The following RASGRP3 variants were observed in gnomAD, a reference collection of about 807,000 sequenced individuals.
RASGRP3 encodes ras guanyl-releasing protein 3.
A neutral mutation model predicts 82.7 loss-of-function variants in RASGRP3; 54 were observed. The ratio of observed to expected loss-of-function variants is 0.65; its 90% CI spans 0.52 to 0.82. RASGRP3 has a LOEUF of 0.82. RASGRP3 is among the 40% of genes least tolerant of loss of function. RASGRP3 has a pLI of 0.00. For synonymous variants in RASGRP3, 309 were observed against 300.5 expected (o/e 1.03, Z -0.29); for missense variants, 861 against 828.9 (o/e 1.04, Z -0.48).
At chr2:33,546,271 A>G (rs1197597652) in intron 13 of RASGRP3, among the ~76,000 whole-genome samples, 1 of 151,932 alleles carries the variant, frequency 6.6e-6, no homozygotes, top group Non-Finnish European at 1.5e-5. Context: ...AAAATACAAA[A>G]AATTAGCCAG....
At chr2:33,456,300 C>G (rs1360670682) in intron 2 of RASGRP3, among the ~76,000 whole-genome samples, 1 of 150,216 alleles carries the variant, frequency 6.7e-6, no homozygotes, top group Non-Finnish European at 1.5e-5. Context: ...GAGTTTAGAC[C>G]ATCTACACTG....
chr2:33,438,100 AT>A (rs916002783), intron 1 of RASGRP3, among the ~76,000 whole-genome samples: 1 of 152,250 alleles, frequency 6.6e-6, no homozygotes, highest in Non-Finnish European at 1.5e-5. Context: ...CAACGTTCAC[AT>A]TTGACACATT....
intron 10 of RASGRP3, chr2:33,533,244 C>A (rs1233512082): frequency 6.6e-6 from 1 of 152,094 alleles, no homozygotes; most frequent in South Asian, 2.1e-4. Flanking sequence ...CAGAGTTTAT[C>A]CATGTTCTCC....
At chr2:33,504,530 A>C (rs1670174603) in intron 1 of RASGRP3, among the ~76,000 whole-genome samples, 1 of 152,190 alleles carries the variant, frequency 6.6e-6, no homozygotes, top group African/African-American at 2.4e-5. Context: ...GAAAACCTGG[A>C]GGTCCATTTA....
chr2:33,562,623 C>G (rs1676803817), intron 17 of RASGRP3, 106 bp from the exon 18 acceptor site: 18 of 1,259,544 alleles, frequency 1.4e-5, no homozygotes, highest in Non-Finnish European at 1.9e-5. Context: ...AGGTACTGAT[C>G]ATTTCAGATG....
At chr2:33,506,407 C>T (rs1417486739) in intron 1 of RASGRP3, among the ~76,000 whole-genome samples, 1 of 152,184 alleles carries the variant, frequency 6.6e-6, no homozygotes, top group Non-Finnish European at 1.5e-5. Flanking sequence ...CTTTAGGCCT[C>T]AATTTCCTTA....
intron 14 of RASGRP3, among the ~76,000 whole-genome samples, chr2:33,553,735 TTTTA>T (rs1272359481): frequency 6.6e-6 from 1 of 152,150 alleles, no homozygotes; most frequent in East Asian, 1.9e-4. Context: ...GACATTTGCA[TTTTA>T]TTTATTTATT....
intron 2 of RASGRP3, among the ~76,000 whole-genome samples, chr2:33,470,217 A>G (rs1666973974): frequency 6.6e-6 from 1 of 152,162 alleles, no homozygotes; most frequent in Admixed American, 6.5e-5. Flanking sequence ...ATATATTTAC[A>G]ATGTTAAGTT....
At position 33,555,576 on chromosome 2, in the gene RASGRP3, A is replaced by G. The variant is rs765552868; in HGVS notation, c.1579+9A>G. ...AGGATACAAATGCAAAGGTAAATCAATGTTATTTTGTTACAATTTTTAAAA... is the reference window on the plus strand; with the variant it reads ...AGGATACAAATGCAAAGGTAAATCAGTGTTATTTTGTTACAATTTTTAAAA... On this transcript the variant is annotated intron_variant, in intron 15 of 17. Transcript: ENST00000403687. The G allele has an allele frequency of 3.2e-6, 5 of 1,579,902 alleles. No homozygotes were observed. The East Asian group carries it at 6.7e-5, about 21-fold the overall frequency.
chr2:33,549,623 G>A lies in RASGRP3; in HGVS notation c.1414G>A (p.Asp472Asn), dbSNP rs1458786884. ...DKDQDGLISK[D>N]EMMAYFLRAK... Reference sequence around the variant, plus strand: ...TAACAGGGATGGCCTAATTAGTAAAGATGAAATGATGGCTTACTTCCTGAG... The same window carrying A: ...TAACAGGGATGGCCTAATTAGTAAAAATGAAATGATGGCTTACTTCCTGAG... Residue 472 changes from aspartate (D) to asparagine (N), a missense_variant, in exon 14 of 18, where the codon GAT becomes AAT. Transcript: ENST00000403687. The A allele has an allele frequency of 6.2e-7, 1 of 1,612,994 alleles. No homozygotes were observed. The highest frequency in any genetic ancestry group is 2.2e-5 in the East Asian group (1 of 44,880).
chr2:33,525,726 A>AAC lies in RASGRP3; in HGVS notation c.807+1179_807+1180dup, dbSNP rs1553354885. ...AAAAAAAAAAAAAAAAAAAAAAAAA[A>AAC]ACTAGCCAGGTGTGGCAGTGTGTGC... On this transcript the variant is annotated intron_variant, in intron 9 of 17. Transcript: ENST00000403687. 4.1e-4 allele frequency among the ~76,000 whole-genome samples: 55 copies of AAC among 134,676 alleles called. 4 individuals are homozygous for AAC. In the East Asian group the frequency reaches 4.9e-3, roughly 12 times the overall value. 88.4% of individuals were successfully genotyped at this position (134,676 alleles called of 152,430 possible). A position where few individuals can be genotyped will look rare whatever the true frequency, so the allele number is the denominator to read the frequency against.
At chr2:33,483,469 G>A (rs958378190) in intron 1 of RASGRP3, among the ~76,000 whole-genome samples, 11 of 149,836 alleles carry the variant, frequency 7.3e-5, no homozygotes, top group African/African-American at 2.5e-4. Flanking sequence ...TAATCCCAGA[G>A]GCATGTTTTA....
chr2:33,503,574 G>T (rs928244667), intron 1 of RASGRP3, among the ~76,000 whole-genome samples: 1 of 148,488 alleles, frequency 6.7e-6, no homozygotes, highest in Non-Finnish European at 1.5e-5. Flanking sequence ...TGAGAGCACA[G>T]AAATAATTTT....
chr2:33,524,515 G>C lies in RASGRP3; in HGVS notation c.774G>C (p.Glu258Asp). The change falls in exon 9 of 18, where the codon GAG (glutamate) becomes GAC (aspartate). Residue 258 changes from glutamate (E) to aspartate (D), a missense_variant. By Grantham distance (45) the Glu-to-Asp change is conservative (BLOSUM62 2). Transcript: ENST00000403687. ...LSHSSISRLK[E>D]THSHLSSEVT... ...ATAGTTCCATTTCACGCCTCAAAGAGACCCATTCTCATCTTTCTTCAGAAG... is the reference window on the plus strand; with the variant it reads ...ATAGTTCCATTTCACGCCTCAAAGACACCCATTCTCATCTTTCTTCAGAAG... The C allele has an allele frequency of 6.2e-7, 1 of 1,602,442 alleles. No homozygotes were observed. Among genetic ancestry groups the C allele is most frequent in the South Asian group, 1.1e-5 (1 of 88,352 alleles).
chr2:33,539,230 T>G lies in RASGRP3; in HGVS notation c.1278+20T>G. On this transcript the variant is annotated intron_variant, in intron 12 of 17. Transcript: ENST00000403687. The stretch of plus-strand genomic sequence containing the variant: ...GTGGAGGTAAGTGGTTGAGGGAGAA[T>G]AAAGAGAGGGCACTAGAAGACCCTT... 6.6e-7 allele frequency: 1 copy of G among 1,520,330 alleles called. No homozygotes were observed. Among genetic ancestry groups the G allele is most frequent in the Non-Finnish European group, 9.0e-7 (1 of 1,107,282 alleles). 94.2% of individuals were successfully genotyped at this position (1,520,330 alleles called of 1,614,324 possible).
At chr2:33,490,835 T>C (rs2150958481) in intron 1 of RASGRP3, among the ~76,000 whole-genome samples, 1 of 152,342 alleles carries the variant, frequency 6.6e-6, no homozygotes, top group South Asian at 2.1e-4. Flanking sequence ...ATAGAGTTTC[T>C]CATCTGGCCT....
At chr2:33,515,610 G>A (rs942839041) in intron 3 of RASGRP3, among the ~76,000 whole-genome samples, 1 of 152,116 alleles carries the variant, frequency 6.6e-6, no homozygotes, top group African/African-American at 2.4e-5. Flanking sequence ...CATGGCATAT[G>A]CCTCTGTAAT....
chr2:33,557,775 G>A (rs17013334), intron 15 of RASGRP3, among the ~76,000 whole-genome samples: 3,719 of 152,024 alleles, frequency 0.024, 155 homozygotes, highest in African/African-American at 0.085. Flanking sequence ...ATGATCAGAG[G>A]CAGTTGGCCT....
chr2:33,441,416 G>C (rs907850048), intron 1 of RASGRP3, among the ~76,000 whole-genome samples: 2 of 152,148 alleles, frequency 1.3e-5, no homozygotes, highest in African/African-American at 4.8e-5. Context: ...CCTTGTCCCT[G>C]GCTGCTCTCT....
Sources: allele counts gnomAD v4.1 joint callset (sites outside exome capture counted in the v4.1 genomes callset), GRCh38; gene constraint gnomAD v4.1.1; transcripts MANE v1.5; gene names NCBI Gene and HGNC (gene_info 2026-07-23, HGNC 2026-07-21).